Variants in MECOM observed in about 807,000 individuals in gnomAD.
MECOM encodes MDS1 and EVI1 complex locus.
Under a neutral mutation model 116.3 loss-of-function variants are expected in MECOM, and 13 were observed. That is an observed-to-expected ratio of 0.11 (90% CI 0.07 to 0.18). The LOEUF is 0.18. MECOM is among the 10% of genes least tolerant of loss of function. MECOM has a pLI of 1.00. For missense variants in MECOM, 1,299 were observed against 1,509.0 expected, an observed-to-expected ratio of 0.86 and a Z score of 2.31; for synonymous variants, 528 against 535.2, an observed-to-expected ratio of 0.99 and a Z score of 0.19.
intron 2 of MECOM, among the ~76,000 whole-genome samples, chr3:169,256,050 C>A (rs183604951): frequency 5.4e-4 from 82 of 152,264 alleles, no homozygotes; most frequent in African/African-American, 1.8e-3. Context: ...TTTAAATATT[C>A]ATTCTCTGGT....
chr3:169,098,498 G>C, intron 12 of MECOM, among the ~76,000 whole-genome samples: 1 of 152,128 alleles, frequency 6.6e-6, no homozygotes, highest in East Asian at 1.9e-4. Flanking sequence ...TCCTATCAAG[G>C]GTACATGATG....
At position 169,224,081 on chromosome 3, in the gene MECOM, C is replaced by G. The variant is rs137887208; in HGVS notation, c.376-80249G>C. ...TTTCTATGCCCCACTGACGGGGGTG[C>G]CTTTCATCTAGGATATGGTGTGGTA... On this transcript the variant is annotated intron_variant, in intron 2 of 16. Coordinates refer to ENST00000651503, the MANE Select transcript of MECOM (RefSeq NM_004991.4). Among the ~76,000 whole-genome samples, 470 of 152,208 alleles carry G rather than the reference C, an allele frequency of 3.1e-3. 3 individuals carry two copies. Among genetic ancestry groups the G allele is most frequent in the Middle Eastern group, 0.01 (3 of 294 alleles).
chr3:169,133,877 G>C lies in MECOM; in HGVS notation c.511-2346C>G, dbSNP rs953849625. On this transcript the variant is annotated intron_variant, in intron 3 of 16. Transcript: ENST00000651503. ...CATTCTGGAGTTCTATTTCCCCTTAGAAAACAATGGACTTCTCTCAACAGT... is the reference window on the plus strand; with the variant it reads ...CATTCTGGAGTTCTATTTCCCCTTACAAAACAATGGACTTCTCTCAACAGT... 5 of 1,266,870 alleles carry C rather than the reference G, an allele frequency of 3.9e-6. No individual in the cohort carries two copies. The African/African-American group carries it at 7.7e-5, about 19-fold the overall frequency. The allele number at this position is 1,266,870 out of a possible 1,614,324, so 78.5% of individuals were successfully genotyped here. A position where few individuals can be genotyped will look rare whatever the true frequency, so the allele number is the denominator to read the frequency against.
At chr3:169,273,666 G>A (rs530504281) in intron 2 of MECOM, among the ~76,000 whole-genome samples, 3 of 152,108 alleles carry the variant, frequency 2.0e-5, no homozygotes, top group Non-Finnish European at 4.4e-5. Context: ...TGTATGCAGC[G>A]AGTAATCTGC....
intron 1 of MECOM, among the ~76,000 whole-genome samples, chr3:169,505,046 G>A (rs905373204): frequency 2.6e-5 from 4 of 152,132 alleles, no homozygotes; most frequent in Admixed American, 6.5e-5. Context: ...ATATAGCAGA[G>A]CTCCATCTAT....
intron 2 of MECOM, among the ~76,000 whole-genome samples, chr3:169,205,039 T>C (rs1242787930): frequency 1.3e-5 from 2 of 152,204 alleles, no homozygotes; most frequent in Non-Finnish European, 2.9e-5. Flanking sequence ...CTGGATGCTA[T>C]GGGTTTAAAT....
chr3:169,472,642 GGAAAGGAAAAGAAAA>G (rs1417973169), intron 1 of MECOM, among the ~76,000 whole-genome samples: 1 of 78,080 alleles, frequency 1.3e-5, no homozygotes, highest in African/African-American at 7.5e-5. Flanking sequence ...GAAAAGGAAA[GGAAAGGAAAAGAAAA>G]GAAAGGAAAG....
Position 169,352,587 on chromosome 3 carries a change from A to G in MECOM, c.375+28600T>C, listed in dbSNP as rs531265528. Among the ~76,000 whole-genome samples, 8 of 152,022 alleles carry G rather than the reference A, an allele frequency of 5.3e-5. No individual in the cohort carries two copies. The East Asian group carries it at 1.4e-3, about 26-fold the overall frequency. ...GTGGTAGCAGAAAAACCAAACCAAC[A>G]ATTTTATTCCACCACTAAAATTTTT... On this transcript the variant is annotated intron_variant, in intron 2 of 16. Coordinates refer to ENST00000651503, the MANE Select transcript of MECOM (RefSeq NM_004991.4).
chr3:169,161,985 G>C (rs994485300), intron 2 of MECOM, among the ~76,000 whole-genome samples: 2 of 152,148 alleles, frequency 1.3e-5, no homozygotes, highest in Non-Finnish European at 2.9e-5. Context: ...GACCACAACT[G>C]CCCAGCTAGC....
chr3:169,087,906 G>T (rs1253732587), intron 16 of MECOM, among the ~76,000 whole-genome samples: 2 of 152,144 alleles, frequency 1.3e-5, no homozygotes, highest in African/African-American at 4.8e-5. Context: ...TCTGTAGATG[G>T]TGGCTGCTTT....
At chr3:169,435,907 G>A (rs939885220) in intron 1 of MECOM, among the ~76,000 whole-genome samples, 1 of 152,022 alleles carries the variant, frequency 6.6e-6, no homozygotes, top group Non-Finnish European at 1.5e-5. Flanking sequence ...GGACCAAAAC[G>A]GTAACATTAT....
intron 6 of MECOM, among the ~76,000 whole-genome samples, 196 bp from the exon 7 acceptor site, chr3:169,121,405 T>A (rs762283771): frequency 6.6e-6 from 1 of 152,184 alleles, no homozygotes; most frequent in East Asian, 1.9e-4. Context: ...CTGCTCTATA[T>A]CCTTAGCATG....
rs570666704 is a variant in MECOM, at chr3:169,234,789, T to C, written c.376-90957A>G. On this transcript the variant is annotated intron_variant, in intron 2 of 16. Coordinates refer to ENST00000651503, the MANE Select transcript of MECOM (RefSeq NM_004991.4). ...TCTTTGCCACTAATTGCTTCTTTTTTTGACAATACCATCTATATGTGCATA... is the reference window on the plus strand; with the variant it reads ...TCTTTGCCACTAATTGCTTCTTTTTCTGACAATACCATCTATATGTGCATA... Among the ~76,000 whole-genome samples, 23 of 152,348 alleles carry C rather than the reference T, an allele frequency of 1.5e-4. No homozygotes were observed. The East Asian group carries it at 2.5e-3, about 17-fold the overall frequency.
intron 1 of MECOM, among the ~76,000 whole-genome samples, chr3:169,609,693 A>G (rs1025576766): frequency 6.6e-6 from 1 of 152,224 alleles, no homozygotes; most frequent in African/African-American, 2.4e-5. Flanking sequence ...TTTTGAATCA[A>G]CAATGAATTC....
chr3:169,496,847 T>C (rs1441199062), intron 1 of MECOM, among the ~76,000 whole-genome samples: 2 of 152,194 alleles, frequency 1.3e-5, no homozygotes, highest in African/African-American at 4.8e-5. Context: ...CATATGGTAA[T>C]GAACAATAAA....
chr3:169,250,955 T>C (rs528474100), intron 2 of MECOM, among the ~76,000 whole-genome samples: 1 of 152,320 alleles, frequency 6.6e-6, no homozygotes, highest in South Asian at 2.1e-4. Flanking sequence ...TACGATAATT[T>C]TGGTAAATTT....
In MECOM at chr3:169,133,764, T is replaced by C. The variant is rs1420720040; in HGVS notation, c.511-2233A>G. 3.3e-5 allele frequency: 13 copies of C among 390,620 alleles called. No individual in the cohort carries two copies. In the East Asian group the frequency reaches 9.3e-4, roughly 28 times the overall value. The allele number at this position is 390,620 out of a possible 1,614,324, so 24.2% of individuals were successfully genotyped here. On this transcript the variant is annotated intron_variant, in intron 3 of 16. Coordinates refer to ENST00000651503, the MANE Select transcript of MECOM (RefSeq NM_004991.4). The stretch of plus-strand genomic sequence containing the variant: ...ACTGAGAACAGTTCTTTTTAAAGAT[T>C]ACCAGATTTAAAATAATAATAAAAT...
intron 2 of MECOM, among the ~76,000 whole-genome samples, chr3:169,375,961 C>G (rs1730960653): frequency 6.6e-6 from 1 of 152,106 alleles, no homozygotes; most frequent in Non-Finnish European, 1.5e-5. Context: ...TCCAGCAGCA[C>G]ATCAGAAAGC....
chr3:169,323,088 A>T (rs1183207350), intron 2 of MECOM, among the ~76,000 whole-genome samples: 3 of 150,620 alleles, frequency 2.0e-5, no homozygotes, highest in African/African-American at 4.9e-5. Flanking sequence ...ATGGTTTTCC[A>T]GGGAAAACAT....
Sources: gnomAD v4.1 joint callset for allele counts (sites outside exome capture counted in the v4.1 genomes callset) on GRCh38, gnomAD v4.1.1 for gene constraint, MANE v1.5 for transcripts, NCBI Gene and HGNC (gene_info 2026-07-23, HGNC 2026-07-21) for gene names.